DOCK3: variants seen among roughly 807,000 people sequenced by gnomAD.
The protein encoded by DOCK3 is dedicator of cytokinesis protein 3.
Under a neutral mutation model 265.6 loss-of-function variants are expected in DOCK3, and 60 were observed. The ratio of observed to expected loss-of-function variants is 0.23; its 90% CI spans 0.18 to 0.28. The LOEUF (loss-of-function observed/expected upper bound fraction) is 0.28, where lower values mean the gene tolerates loss of function less well. Among genes scored for constraint, DOCK3 ranks in the 10% least tolerant of loss-of-function variants. The probability of loss-of-function intolerance (pLI) is 1.00; values close to 1 mark genes in which losing one functional copy is unlikely to be tolerated. For missense variants in DOCK3, 1,981 were observed against 2,594.3 expected (o/e 0.76, Z 5.14); for synonymous variants, 881 against 938.0 (o/e 0.94, Z 1.11).
intron 1 of DOCK3, among the ~76,000 whole-genome samples, chr3:50,683,591 G>A (rs56142306): frequency 0.015 from 2,324 of 152,274 alleles, 25 homozygotes; most frequent in Non-Finnish European, 0.024. Context: ...TAATGTTTGG[G>A]GTTAGGATGG....
At chr3:51,362,084 C>A (rs990211712) in intron 48 of DOCK3, 87 bp downstream of exon 48, 41 of 1,465,936 alleles carry the variant, frequency 2.8e-5, no homozygotes, top group Admixed American at 6.9e-5. Flanking sequence ...GAGGGCTTGG[C>A]AACCCTGCCT....
chr3:51,222,289 A>G (rs1045055890), intron 14 of DOCK3, among the ~76,000 whole-genome samples: 2 of 152,230 alleles, frequency 1.3e-5, no homozygotes, highest in African/African-American at 4.8e-5. Context: ...ACCCAGAGGC[A>G]TGATCCCACT....
At chr3:51,118,202 A>G (rs995774497) in intron 9 of DOCK3, among the ~76,000 whole-genome samples, 3 of 151,912 alleles carry the variant, frequency 2.0e-5, no homozygotes, top group African/African-American at 7.3e-5. Context: ...TTTCTACCTT[A>G]ATTTCATTAT....
intron 12 of DOCK3, among the ~76,000 whole-genome samples, chr3:51,208,209 A>G (rs1041620515): frequency 6.6e-6 from 1 of 152,196 alleles, no homozygotes; most frequent in Non-Finnish European, 1.5e-5. Flanking sequence ...CTTCCCCCTG[A>G]CCACAGAAGA....
intron 27 of DOCK3, among the ~76,000 whole-genome samples, chr3:51,282,485 C>G (rs2081176103): frequency 6.6e-6 from 1 of 151,858 alleles, no homozygotes; most frequent in African/African-American, 2.4e-5. Context: ...GAAACCCTGT[C>G]TCTACTAAAA....
intron 5 of DOCK3, among the ~76,000 whole-genome samples, chr3:51,040,225 A>C (rs2080428697): frequency 6.8e-6 from 1 of 147,012 alleles, no homozygotes; most frequent in Admixed American, 6.8e-5. Context: ...TTTTTTTTTT[A>C]ATCAAAATGG....
At chr3:51,353,161 C>T (rs1288084159) in intron 40 of DOCK3, among the ~76,000 whole-genome samples, 1 of 152,212 alleles carries the variant, frequency 6.6e-6, no homozygotes, top group Non-Finnish European at 1.5e-5. Flanking sequence ...CAAGTACTTT[C>T]TTTGTCAGTT....
chr3:50,895,032 T>C (rs1376667830), intron 4 of DOCK3, among the ~76,000 whole-genome samples: 1 of 152,118 alleles, frequency 6.6e-6, no homozygotes, highest in East Asian at 1.9e-4. Context: ...GTTAAAGGTG[T>C]AATTTCTACC....
intron 39 of DOCK3, among the ~76,000 whole-genome samples, chr3:51,349,726 G>T (rs1177824174): frequency 1.3e-5 from 2 of 152,200 alleles, no homozygotes; most frequent in Admixed American, 1.3e-4. Flanking sequence ...ATATTAGTTA[G>T]CTTTTCAAGT....
intron 5 of DOCK3, among the ~76,000 whole-genome samples, chr3:50,949,734 C>T (rs1365136091): frequency 6.6e-6 from 1 of 152,060 alleles, no homozygotes; most frequent in African/African-American, 2.4e-5. Context: ...CCATCTTACC[C>T]AAGTTTTTAG....
Position 51,236,434 on chromosome 3 carries a change from T to A in DOCK3, c.2001+6T>A. The A allele has an allele frequency of 6.2e-7, 1 of 1,605,580 alleles. No individual in the cohort carries two copies. Among genetic ancestry groups the A allele is most frequent in the Non-Finnish European group, 8.5e-7 (1 of 1,176,696 alleles). ...TGTTGGTTTTTCAGTCTCTGGTAAG[T>A]CACCTTCCTGACTCTTTACTTTTAT... On this transcript the variant is annotated splice_donor_region_variant and intron_variant, in intron 20 of 52. Coordinates refer to ENST00000266037, the MANE Select transcript of DOCK3 (RefSeq NM_004947.5).
chr3:50,730,166 G>C (rs921686743), intron 1 of DOCK3, among the ~76,000 whole-genome samples: 1 of 151,968 alleles, frequency 6.6e-6, no homozygotes, highest in Admixed American at 6.6e-5. Context: ...TTTTGAGACA[G>C]AGTCTCACTC....
intron 2 of DOCK3, among the ~76,000 whole-genome samples, chr3:50,821,749 G>A (rs1227066307): frequency 3.3e-5 from 5 of 152,168 alleles, no homozygotes; most frequent in African/African-American, 4.8e-5. Flanking sequence ...ATTGAATAGG[G>A]AGTCCTTTCC....
intron 5 of DOCK3, among the ~76,000 whole-genome samples, chr3:50,984,996 C>T (rs2077842698): frequency 6.6e-6 from 1 of 152,030 alleles, no homozygotes; most frequent in African/African-American, 2.4e-5. Flanking sequence ...TCAAGGGGGT[C>T]CTAGGGCCAG....
intron 41 of DOCK3, 104 bp downstream of exon 41, chr3:51,355,127 A>G: frequency 1.4e-6 from 2 of 1,451,616 alleles, no homozygotes; most frequent in African/African-American, 1.4e-5. Flanking sequence ...ACAGGTTTAG[A>G]TATCCCATAG....
intron 22 of DOCK3, among the ~76,000 whole-genome samples, chr3:51,249,122 A>C (rs1162805950): frequency 5.0e-4 from 64 of 127,174 alleles, no homozygotes; most frequent in South Asian, 8.2e-4. Flanking sequence ...GCCCCCCGCC[A>C]GGCCAGCCGC....
In DOCK3 at chr3:51,288,885, G is replaced by GGTGTGT. The variant is rs776856235; in HGVS notation, c.2922+8693_2922+8698dup. Among the ~76,000 whole-genome samples the GGTGTGT allele has an allele frequency of 6.1e-5, 9 of 146,974 alleles. No individual in the cohort carries two copies. In the South Asian group the frequency reaches 1.7e-3, roughly 28 times the overall value. On this transcript the variant is annotated intron_variant, in intron 27 of 52. Transcript: ENST00000266037. ...AGCCTAGGAGAGGGGTGTTTGTGTG[G>GGTGTGT]GTGTGTGTGTGTGTGTGGGTGTGTG...
intron 9 of DOCK3, among the ~76,000 whole-genome samples, chr3:51,127,264 C>A (rs188761594): frequency 9.9e-5 from 15 of 152,220 alleles, no homozygotes; most frequent in African/African-American, 3.4e-4. Flanking sequence ...ATGTTAATCT[C>A]CTTTGGCAGC....
intron 12 of DOCK3, among the ~76,000 whole-genome samples, chr3:51,170,525 A>G (rs2086623169): frequency 6.6e-6 from 1 of 152,166 alleles, no homozygotes; most frequent in Non-Finnish European, 1.5e-5. Flanking sequence ...TTCTTAACAT[A>G]TAATTGTACA....
Sources: allele counts gnomAD v4.1 joint callset (sites outside exome capture counted in the v4.1 genomes callset), GRCh38; gene constraint gnomAD v4.1.1; transcripts MANE v1.5; gene names NCBI Gene and HGNC (gene_info 2026-07-23, HGNC 2026-07-21).